COL6A2: variants seen among roughly 807,000 people sequenced by gnomAD.
The protein encoded by COL6A2 is collagen alpha-2(VI) chain.
A neutral mutation model predicts 124.9 loss-of-function variants in COL6A2; 90 were observed. The ratio of observed to expected loss-of-function variants is 0.72; its 90% CI spans 0.61 to 0.86. The LOEUF is 0.86. Ranked by LOEUF, COL6A2 falls within the 40% of genes least tolerant of loss-of-function variation. The probability of loss-of-function intolerance (pLI) is 0.00; values close to 1 mark genes in which losing one functional copy is unlikely to be tolerated. For missense variants in COL6A2, 1,607 were observed against 1,502.5 expected, an observed-to-expected ratio of 1.07 and a Z score of -1.15; for synonymous variants, 793 against 618.2, an observed-to-expected ratio of 1.28 and a Z score of -4.19.
intron 21 of COL6A2, 39 bp downstream of exon 21, chr21:46,122,976 G>C: frequency 6.3e-7 from 1 of 1,588,408 alleles, no homozygotes; most frequent in Non-Finnish European, 8.6e-7. Flanking sequence ...CAGCTGGGCA[G>C]AGGCAGGGAG....
At chr21:46,125,122 G>C in intron 23 of COL6A2, 144 bp from the exon 24 acceptor site, 1 of 1,023,608 alleles carries the variant, frequency 9.8e-7, no homozygotes, top group Admixed American at 1.7e-5. Flanking sequence ...CAGCGAGGTT[G>C]GTAGGGACAG....
At position 46,132,708 on chromosome 21, in the gene COL6A2, G is replaced by GGCCCCCGCCCA; in HGVS notation, c.*162_*172dup. 1.3e-6 allele frequency: 1 copy of GGCCCCCGCCCA among 752,182 alleles called. No individual in the cohort carries two copies. Among genetic ancestry groups the GGCCCCCGCCCA allele is most frequent in the South Asian group, 1.7e-5 (1 of 58,170 alleles). 46.6% of individuals were successfully genotyped at this position (752,182 alleles called of 1,614,324 possible). On this transcript the variant is annotated 3_prime_UTR_variant, in exon 28 of 28. Coordinates refer to ENST00000300527, the MANE Select transcript of COL6A2 (RefSeq NM_001849.4). ...CCTCCCACGGGGTCCCCGTAGCCCC[G>GGCCCCCGCCCA]GCCCCCGCCCAGCCCCAGGTCTCCC...
chr21:46,122,864 C>T lies in COL6A2; in HGVS notation c.1609-11C>T, dbSNP rs2078588568. 1 of 1,612,500 alleles carries T rather than the reference C, an allele frequency of 6.2e-7. No individual in the cohort carries two copies. The highest frequency in any genetic ancestry group is 1.7e-5 in the Admixed American group (1 of 59,998). ...CCTCTGTCCCAGGCTAACATGTGTT[C>T]CCTGTCACAGGGAGGCCGAGGCGAC... On this transcript the variant is annotated splice_polypyrimidine_tract_variant and intron_variant, in intron 20 of 27. Transcript: ENST00000300527.
At chr21:46,120,944 G>T in intron 16 of COL6A2, 117 bp from the exon 17 acceptor site, 3 of 956,572 alleles carry the variant, frequency 3.1e-6, no homozygotes, top group Non-Finnish European at 5.0e-6. Context: ...GGTCATAGGG[G>T]CCGGGGCCAG....
chr21:46,103,612 T>C (rs2123595666), intron 1 of COL6A2, among the ~76,000 whole-genome samples: 1 of 152,374 alleles, frequency 6.6e-6, no homozygotes, highest in African/African-American at 2.4e-5. Context: ...TCATTTTCAC[T>C]CATCTCTAAG....
chr21:46,116,272 G>T lies in COL6A2; in HGVS notation c.901-105G>T. On this transcript the variant is annotated intron_variant, in intron 7 of 27. Coordinates refer to ENST00000300527, the MANE Select transcript of COL6A2 (RefSeq NM_001849.4). This position sits in a 1 kb window ranked among gnomAD's most constrained non-coding sequence, Gnocchi z 4.6. ...AGACTGTTTGTCGAGAACACTAGATGCCAGCGGCCCACCGAGCACTCCCCT... is the reference window on the plus strand; with the variant it reads ...AGACTGTTTGTCGAGAACACTAGATTCCAGCGGCCCACCGAGCACTCCCCT... 3 of 1,358,532 alleles carry T rather than the reference G, an allele frequency of 2.2e-6. No individual in the cohort carries two copies. The highest frequency in any genetic ancestry group is 4.8e-5 in the East Asian group (2 of 41,404). 84.2% of individuals were successfully genotyped at this position (1,358,532 alleles called of 1,614,324 possible).
Position 46,116,855 on chromosome 21 carries a change from G to C in COL6A2, c.999+41G>C. 2 of 1,610,878 alleles carry C rather than the reference G, an allele frequency of 1.2e-6. No individual in the cohort carries two copies. The highest frequency in any genetic ancestry group is 1.1e-5 in the South Asian group (1 of 90,986). Reference sequence around the variant, plus strand: ...GGCTCACAGCTGGACTGGTCTCACAGAGGCATCCCAGCCTCTGCAGGGCCC... The same window carrying C: ...GGCTCACAGCTGGACTGGTCTCACACAGGCATCCCAGCCTCTGCAGGGCCC... On this transcript the variant is annotated intron_variant, in intron 10 of 27. Coordinates refer to ENST00000300527, the MANE Select transcript of COL6A2 (RefSeq NM_001849.4). This position sits in a 1 kb window ranked among gnomAD's most constrained non-coding sequence, Gnocchi z 4.6.
chr21:46,108,152 G>A (rs1239673769), intron 1 of COL6A2, among the ~76,000 whole-genome samples: 1 of 149,584 alleles, frequency 6.7e-6, no homozygotes, highest in East Asian at 1.9e-4. Flanking sequence ...ATGATTTTCT[G>A]GGTAGACAAT....
intron 4 of COL6A2, chr21:46,113,074 G>A (rs2078427093): frequency 1.7e-6 from 1 of 596,768 alleles, no homozygotes; most frequent in Non-Finnish European, 3.0e-6. Context: ...AGAGGTCGAG[G>A]GTCTGGCCTC....
intron 21 of COL6A2, among the ~76,000 whole-genome samples, chr21:46,124,158 G>C (rs1299894755): frequency 6.6e-6 from 1 of 151,004 alleles, no homozygotes; most frequent in Non-Finnish European, 1.5e-5. Context: ...TGGATAGATA[G>C]ATGGGTGGGT....
chr21:46,112,242 T>C lies in COL6A2; in HGVS notation c.379T>C (p.Ser127Pro), dbSNP rs1399362834. 1 of 1,612,720 alleles carries C rather than the reference T, an allele frequency of 6.2e-7. No homozygotes were observed. The highest frequency in any genetic ancestry group is 1.7e-5 in the Admixed American group (1 of 60,028). The part of the protein sequence containing the change: ...SFIKNLQGIS[S>P]FRRGTFTDCA... ...CATCAAGAACCTGCAGGGCATCAGC[T>C]CCTTCCGCCGCGGCACCTTCACCGA... Residue 127 changes from serine (S) to proline (P), a missense_variant, in exon 3 of 28, where the codon TCC (serine) becomes CCC (proline). By Grantham distance (74) the Ser-to-Pro change is moderately conservative. Coordinates refer to ENST00000300527, the MANE Select transcript of COL6A2 (RefSeq NM_001849.4).
intron 1 of COL6A2, among the ~76,000 whole-genome samples, chr21:46,108,643 AT>A (rs2078361386): frequency 6.6e-6 from 1 of 152,048 alleles, no homozygotes; most frequent in African/African-American, 2.4e-5. Context: ...GCAATTGCAT[AT>A]TTTTTCCCAT....
In COL6A2 at chr21:46,122,094, A is replaced by G. The variant is rs1568935054; in HGVS notation, c.1522-14A>G. The G allele has an allele frequency of 6.2e-7, 1 of 1,612,518 alleles. No homozygotes were observed. Among genetic ancestry groups the G allele is most frequent in the Admixed American group, 1.7e-5 (1 of 60,002 alleles). On this transcript the variant is annotated splice_polypyrimidine_tract_variant and intron_variant, in intron 18 of 27. Coordinates refer to ENST00000300527, the MANE Select transcript of COL6A2 (RefSeq NM_001849.4). ...TCCTATGACCATGCTGACCGACTCAACGTCCTCCTCCAGGGAGACCCCGGC... is the reference window on the plus strand; with the variant it reads ...TCCTATGACCATGCTGACCGACTCAGCGTCCTCCTCCAGGGAGACCCCGGC...
chr21:46,129,534 A>G lies in COL6A2; in HGVS notation c.2462-2420A>G, dbSNP rs774240125. On this transcript the variant is annotated intron_variant, in intron 27 of 27. Coordinates refer to ENST00000300527, the MANE Select transcript of COL6A2 (RefSeq NM_001849.4). ...AGCCGGGCTGGGCCCTCCCTGCCACACTAGCTTCCCAGGGCTGCCCCCGAC... is the reference window on the plus strand; with the variant it reads ...AGCCGGGCTGGGCCCTCCCTGCCACGCTAGCTTCCCAGGGCTGCCCCCGAC... 1.4e-5 allele frequency: 21 copies of G among 1,515,084 alleles called. No homozygotes were observed. The East Asian group carries it at 4.2e-4, about 30-fold the overall frequency. 93.9% of individuals were successfully genotyped at this position (1,515,084 alleles called of 1,614,324 possible). A position where few individuals can be genotyped will look rare whatever the true frequency, so the allele number is the denominator to read the frequency against.
Position 46,111,603 on chromosome 21 carries a change from C to T in COL6A2, c.115+12C>T, listed in dbSNP as rs534337396. On this transcript the variant is annotated intron_variant, in intron 2 of 27. Transcript: ENST00000300527. ...CAACAACTGCCCAGGTGCCAGGGGT[C>T]GGGGGCCGGGGGCTCTGGGCATTTG... 28 of 1,558,670 alleles carry T rather than the reference C, an allele frequency of 1.8e-5. No individual in the cohort carries two copies. The South Asian group carries it at 2.1e-4, about 12-fold the overall frequency.
At position 46,119,789 on chromosome 21, in the gene COL6A2, G is replaced by C. The variant is rs866227231; in HGVS notation, c.1271G>C (p.Gly424Ala). 6.4e-7 allele frequency: 1 copy of C among 1,560,248 alleles called. No individual in the cohort carries two copies. The highest frequency in any genetic ancestry group is 8.7e-7 in the Non-Finnish European group (1 of 1,151,852). The change falls in exon 15 of 28, where the codon GGG (glycine) becomes GCG (alanine). Residue 424 changes from glycine to alanine, a missense_variant and splice_region_variant. This residue lies in a region of COL6A2 where 1,223 missense variants were observed against 1,052.2 expected (regional missense o/e 1.16). Coordinates refer to ENST00000300527, the MANE Select transcript of COL6A2 (RefSeq NM_001849.4). Reference sequence around the variant, plus strand: ...CACCCACACGCCTGTTCTCTGCAGGGGCGCAGGGGAGACCCCGGCACCAAG... The same window carrying C: ...CACCCACACGCCTGTTCTCTGCAGGCGCGCAGGGGAGACCCCGGCACCAAG... Reference protein sequence around the residue: ...PGPRGPKGEPGRRGDPGTKGS... With the variant: ...PGPRGPKGEPARRGDPGTKGS...
chr21:46,118,782 G>T (rs529637164), intron 13 of COL6A2, 106 bp downstream of exon 13: 2 of 1,342,118 alleles, frequency 1.5e-6, no homozygotes, highest in African/African-American at 1.4e-5. Context: ...CCATGGTGCC[G>T]CATTGGGCTC....
intron 21 of COL6A2, among the ~76,000 whole-genome samples, chr21:46,124,115 G>A (rs530430731): frequency 1.3e-5 from 2 of 151,398 alleles, no homozygotes; most frequent in East Asian, 2.0e-4. Flanking sequence ...GGACAGGTGA[G>A]TGGGTGGGTG....
chr21:46,127,525 A>G (rs750309959), intron 27 of COL6A2, among the ~76,000 whole-genome samples: 14 of 152,106 alleles, frequency 9.2e-5, no homozygotes, highest in Non-Finnish European at 1.6e-4. Context: ...TGGCCCCACA[A>G]CAGTGGGCTG....
Sources: gnomAD v4.1 joint callset for allele counts (sites outside exome capture counted in the v4.1 genomes callset) on GRCh38, gnomAD v4.1.1 for gene constraint, gnomAD v4.1.1 regional missense constraint, Gnocchi (gnomAD v3.1) non-coding constraint, MANE v1.5 for transcripts, NCBI Gene and HGNC (gene_info 2026-07-23, HGNC 2026-07-21) for gene names.